The following NSUN7 variants were observed in gnomAD, a reference collection of about 807,000 sequenced individuals.
The protein encoded by NSUN7 is NOP2/Sun RNA methyltransferase family member 7.
NSUN7 carries 39 observed loss-of-function variants against 58.5 expected under a neutral mutation model. The ratio of observed to expected loss-of-function variants is 0.67; its 90% confidence interval spans 0.52 to 0.87. NSUN7 has a LOEUF of 0.87. NSUN7 is among the 40% of genes least tolerant of loss of function. The pLI is 0.00. For missense variants in NSUN7, 765 were observed against 844.1 expected, an observed-to-expected ratio of 0.91 and a Z score of 1.16; for synonymous variants, 278 against 303.7, an observed-to-expected ratio of 0.92 and a Z score of 0.88.
At position 40,809,196 on chromosome 4, in the gene NSUN7, C is replaced by T. The variant is rs531717530; in HGVS notation, c.*257C>T. On this transcript the variant is annotated 3_prime_UTR_variant, in exon 12 of 12. Coordinates refer to ENST00000381782, the MANE Select transcript of NSUN7 (RefSeq NM_024677.6). ...CAGTTAGAGACTCAGTATCAGCGGT[C>T]AGAACTTATCTCACTCCTGTGAACT... 199 of 352,646 alleles carry T rather than the reference C, an allele frequency of 5.6e-4. 1 individual carries two copies. In the South Asian group the frequency reaches 0.014, roughly 25 times the overall value. The allele number at this position is 352,646 out of a possible 1,614,324, so 21.8% of individuals were successfully genotyped here.
At chr4:40,797,176 T>A (rs1039653885) in intron 9 of NSUN7, among the ~76,000 whole-genome samples, 2 of 152,196 alleles carry the variant, frequency 1.3e-5, no homozygotes. Context: ...TCTCCCTTAC[T>A]GGGTCCTCTC....
intron 2 of NSUN7, among the ~76,000 whole-genome samples, chr4:40,752,899 C>G (rs180827099): frequency 0.012 from 226 of 19,408 alleles, 1 homozygote; most frequent in African/African-American, 0.091. Flanking sequence ...ACCATTCTTC[C>G]TCCAGTTTAA....
chr4:40,762,470 G>A (rs894456136), intron 4 of NSUN7: 5 of 152,186 alleles, frequency 3.3e-5, no homozygotes, highest in Admixed American at 2.0e-4. Flanking sequence ...GAGACCAGAA[G>A]ATTCAGGTAA....
At position 40,808,964 on chromosome 4, in the gene NSUN7, CAA is replaced by C. The variant is rs879096762; in HGVS notation, c.*27_*28del. The C allele has an allele frequency of 1.4e-6, 2 of 1,477,148 alleles. No individual in the cohort carries two copies. Among genetic ancestry groups the C allele is most frequent in the South Asian group, 1.3e-5 (1 of 75,242 alleles). The allele number at this position is 1,477,148 out of a possible 1,614,324, so 91.5% of individuals were successfully genotyped here. A position where few individuals can be genotyped will look rare whatever the true frequency, so the allele number is the denominator to read the frequency against. On this transcript the variant is annotated 3_prime_UTR_variant, in exon 12 of 12. Transcript: ENST00000381782. Reference sequence around the variant, plus strand: ...ATTGTCTTGTGTTTTTTATAGGGGCCAAAGAGCAGTTGATTTTTTTTCAAAGT... The same window carrying C: ...ATTGTCTTGTGTTTTTTATAGGGGCCAGAGCAGTTGATTTTTTTTCAAAGT...
chr4:40,796,350 A>G (rs1170320538), intron 9 of NSUN7, among the ~76,000 whole-genome samples: 1 of 151,858 alleles, frequency 6.6e-6, no homozygotes, highest in East Asian at 1.9e-4. Flanking sequence ...ATAAATAAAT[A>G]AATAAGTGGG....
intron 7 of NSUN7, among the ~76,000 whole-genome samples, chr4:40,785,604 A>C (rs1577571079): frequency 6.6e-6 from 1 of 151,748 alleles, no homozygotes. Flanking sequence ...CAGGTGATCC[A>C]CCCGCCTCGG....
chr4:40,779,203 T>A (rs1742409980), intron 7 of NSUN7, among the ~76,000 whole-genome samples: 1 of 152,088 alleles, frequency 6.6e-6, no homozygotes, highest in African/African-American at 2.4e-5. Context: ...GCAGCTGTAG[T>A]CCTAGCTACT....
chr4:40,791,813 T>A (rs1743081904), intron 8 of NSUN7, among the ~76,000 whole-genome samples: 1 of 152,204 alleles, frequency 6.6e-6, no homozygotes, highest in Non-Finnish European at 1.5e-5. Context: ...TTCTAGGTAG[T>A]GTTCACATAC....
intron 10 of NSUN7, among the ~76,000 whole-genome samples, chr4:40,800,600 A>G (rs1177785337): frequency 6.6e-6 from 1 of 152,202 alleles, no homozygotes; most frequent in African/African-American, 2.4e-5. Flanking sequence ...TTGGCATCCC[A>G]AAGTGCTGGG....
rs1415471561 is a variant in NSUN7, at chr4:40,810,344, C to T, written c.*1405C>T. 1 of 151,890 alleles carries T rather than the reference C, an allele frequency of 6.6e-6. No individual in the cohort carries two copies. The highest frequency in any genetic ancestry group is 1.9e-4 in the East Asian group (1 of 5,184). 9.4% of individuals were successfully genotyped at this position (151,890 alleles called of 1,614,324 possible). A position where few individuals can be genotyped will look rare whatever the true frequency, so the allele number is the denominator to read the frequency against. ...CAGCAGTTTGGGAGGCTGAGGTGGG[C>T]ACGCCACTTGAGCACCGGAGTTCCA... On this transcript the variant is annotated 3_prime_UTR_variant, in exon 12 of 12. Transcript: ENST00000381782.
intron 9 of NSUN7, among the ~76,000 whole-genome samples, chr4:40,798,140 A>AC (rs1419473285): frequency 6.6e-6 from 1 of 152,164 alleles, no homozygotes; most frequent in African/African-American, 2.4e-5. Context: ...AGCATTGATC[A>AC]CTTAACAGTA....
intron 7 of NSUN7, among the ~76,000 whole-genome samples, chr4:40,776,924 C>T (rs1742298402): frequency 6.6e-6 from 1 of 152,200 alleles, no homozygotes; most frequent in Non-Finnish European, 1.5e-5. Context: ...GGCCTAGGAG[C>T]TGTCTTTTAG....
At chr4:40,780,616 A>G (rs947758790) in intron 7 of NSUN7, among the ~76,000 whole-genome samples, 3 of 149,968 alleles carry the variant, frequency 2.0e-5, no homozygotes, top group Non-Finnish European at 4.4e-5. Context: ...CAAAAAAAGA[A>G]AAAAAAAAGG....
At chr4:40,789,145 C>T (rs1742967598) in intron 7 of NSUN7, among the ~76,000 whole-genome samples, 1 of 152,026 alleles carries the variant, frequency 6.6e-6, no homozygotes, top group Non-Finnish European at 1.5e-5. Flanking sequence ...CTCTCTGTCC[C>T]CCAAAGGAAA....
intron 4 of NSUN7, among the ~76,000 whole-genome samples, chr4:40,767,099 T>C (rs1173846519): frequency 2.6e-5 from 4 of 151,496 alleles, no homozygotes; most frequent in African/African-American, 7.3e-5. Context: ...CTGCTCTGAT[T>C]TTAGTTATTT....
intron 4 of NSUN7, among the ~76,000 whole-genome samples, chr4:40,769,476 T>C (rs1366290062): frequency 6.6e-6 from 1 of 152,240 alleles, no homozygotes; most frequent in East Asian, 1.9e-4. Context: ...GCTTTATGCC[T>C]GGAAGAATTC....
chr4:40,767,333 G>A (rs947385822), intron 4 of NSUN7, among the ~76,000 whole-genome samples: 3 of 152,120 alleles, frequency 2.0e-5, no homozygotes, highest in African/African-American at 4.8e-5. Context: ...CCTTCATTTC[G>A]TTATGTACCC....
intron 7 of NSUN7, 86 bp downstream of exon 7, chr4:40,776,345 G>C: frequency 1.1e-6 from 1 of 920,270 alleles, no homozygotes; most frequent in Non-Finnish European, 1.6e-6. Context: ...TAGTTTTTTT[G>C]TAATGTAAAA....
intron 10 of NSUN7, among the ~76,000 whole-genome samples, chr4:40,802,307 A>C (rs182957133): frequency 6.6e-6 from 1 of 152,020 alleles, no homozygotes; most frequent in African/African-American, 2.4e-5. Flanking sequence ...TAACCACTGT[A>C]GTTTTGAGTG....
Sources: allele counts gnomAD v4.1 joint callset (sites outside exome capture counted in the v4.1 genomes callset), GRCh38; gene constraint gnomAD v4.1.1; transcripts MANE v1.5; gene names NCBI Gene and HGNC (gene_info 2026-07-23, HGNC 2026-07-21).